Variants in IFT80 observed in about 807,000 individuals in gnomAD.
IFT80 encodes intraflagellar transport 80, also known as intraflagellar transport protein 80 homolog.
Under a neutral mutation model 107.9 loss-of-function variants are expected in IFT80, and 79 were observed. That is an observed-to-expected ratio of 0.73 (90% CI 0.61 to 0.88). IFT80 has a LOEUF of 0.88. IFT80 is among the 40% of genes least tolerant of loss of function. The pLI is 0.00. For missense variants in IFT80, 797 were observed against 914.2 expected, an observed-to-expected ratio of 0.87 and a Z score of 1.65; for synonymous variants, 299 against 300.9, an observed-to-expected ratio of 0.99 and a Z score of 0.07.
chr3:160,314,606 C>T (rs1446501340), intron 9 of IFT80, among the ~76,000 whole-genome samples: 1 of 152,072 alleles, frequency 6.6e-6, no homozygotes, highest in Non-Finnish European at 1.5e-5. Flanking sequence ...CACGGATAAA[C>T]CAAAAGCCAA....
intron 1 of IFT80, among the ~76,000 whole-genome samples, chr3:160,388,133 T>C (rs547431363): frequency 1.8e-4 from 28 of 151,946 alleles, no homozygotes; most frequent in Admixed American, 4.6e-4. Context: ...AAAATATTCA[T>C]TGAATGAGGG....
intron 10 of IFT80, among the ~76,000 whole-genome samples, chr3:160,306,499 C>A (rs559744379): frequency 3.6e-4 from 55 of 152,218 alleles, no homozygotes; most frequent in South Asian, 1.0e-3. Flanking sequence ...ATTCTATAAT[C>A]CCTTCCCCAC....
chr3:160,347,133 C>A (rs992965453), intron 8 of IFT80, among the ~76,000 whole-genome samples: 1 of 152,044 alleles, frequency 6.6e-6, no homozygotes, highest in South Asian at 2.1e-4. Context: ...CCTGCCCCAC[C>A]CCCACTGCAC....
At chr3:160,363,467 C>A (rs1298113603) in intron 6 of IFT80, among the ~76,000 whole-genome samples, 1 of 152,108 alleles carries the variant, frequency 6.6e-6, no homozygotes, top group Non-Finnish European at 1.5e-5. Context: ...TCAATGCCAT[C>A]CCCATCAAAC....
chr3:160,314,841 T>G (rs1717672636), intron 9 of IFT80, among the ~76,000 whole-genome samples: 1 of 151,982 alleles, frequency 6.6e-6, no homozygotes, highest in Non-Finnish European at 1.5e-5. Context: ...CTAAGAGAGT[T>G]CTCAGGATAT....
At chr3:160,288,611 A>G (rs538006884) in intron 12 of IFT80, among the ~76,000 whole-genome samples, 1 of 152,326 alleles carries the variant, frequency 6.6e-6, no homozygotes, top group South Asian at 2.1e-4. Flanking sequence ...TCTAATATCC[A>G]ACATCTATAA....
intron 9 of IFT80, among the ~76,000 whole-genome samples, chr3:160,313,018 A>T (rs1230758563): frequency 1.1e-5 from 1 of 87,116 alleles, no homozygotes; most frequent in Non-Finnish European, 2.1e-5. Flanking sequence ...ATATATAATA[A>T]ATATATATTA....
At chr3:160,270,680 C>T (rs1037579264) in intron 18 of IFT80, among the ~76,000 whole-genome samples, 1 of 152,056 alleles carries the variant, frequency 6.6e-6, no homozygotes, top group Non-Finnish European at 1.5e-5. Context: ...CACGGAGGCT[C>T]AAAAAAGGAG....
In IFT80 at chr3:160,264,276, CT is replaced by C. The variant is rs1210964197; in HGVS notation, c.2223+4136del. 3.5e-3 allele frequency among the ~76,000 whole-genome samples: 496 copies of C among 141,934 alleles called. 2 individuals carry two copies. The highest frequency in any genetic ancestry group is 0.01 in the African/African-American group (403 of 38,702). 93.1% of individuals were successfully genotyped at this position (141,934 alleles called of 152,430 possible). A position where few individuals can be genotyped will look rare whatever the true frequency, so the allele number is the denominator to read the frequency against. On this transcript the variant is annotated intron_variant, in intron 19 of 19. Transcript: ENST00000326448. Reference sequence around the variant, plus strand: ...AGGTACATGCCACCATGCCCAGTTACTTTTTTTTTTTGGTAGAGACAAGATT... The same window carrying C: ...AGGTACATGCCACCATGCCCAGTTACTTTTTTTTTTGGTAGAGACAAGATT...
chr3:160,384,505 CTT>C (rs1360669026), intron 2 of IFT80, 57 bp downstream of exon 2: 3 of 1,373,888 alleles, frequency 2.2e-6, no homozygotes, highest in Non-Finnish European at 3.0e-6. Flanking sequence ...AATAGAGAAA[CTT>C]TTAACAATAC....
intron 8 of IFT80, among the ~76,000 whole-genome samples, chr3:160,326,458 A>G (rs1718684112): frequency 6.6e-6 from 1 of 152,154 alleles, no homozygotes; most frequent in Admixed American, 6.6e-5. Context: ...CCAGTAGCAC[A>G]TCAAAAAGCT....
At chr3:160,272,040 G>T (rs1442435798) in intron 18 of IFT80, among the ~76,000 whole-genome samples, 1 of 151,684 alleles carries the variant, frequency 6.6e-6, no homozygotes, top group Non-Finnish European at 1.5e-5. Context: ...ACACCACAAA[G>T]ATGCAATGTT....
Position 160,363,048 on chromosome 3 carries a change from T to C in IFT80, c.549+2995A>G, listed in dbSNP as rs577419529. Reference sequence around the variant, plus strand: ...TCAGGCAAGAGAAGGAAATAAAGGGTATTCAATTAGGAAAAGAGGAAGTCA... The same window carrying C: ...TCAGGCAAGAGAAGGAAATAAAGGGCATTCAATTAGGAAAAGAGGAAGTCA... On this transcript the variant is annotated intron_variant, in intron 6 of 19. Transcript: ENST00000326448. Among the ~76,000 whole-genome samples the C allele has an allele frequency of 3.3e-5, 5 of 152,182 alleles. 1 individual carries two copies. The South Asian group carries it at 1.0e-3, about 32-fold the overall frequency.
chr3:160,289,007 C>T (rs1328620843), intron 12 of IFT80, among the ~76,000 whole-genome samples: 4 of 150,714 alleles, frequency 2.7e-5, no homozygotes, highest in African/African-American at 4.9e-5. Context: ...CACATGCATG[C>T]GAATGTTCAC....
intron 12 of IFT80, among the ~76,000 whole-genome samples, chr3:160,300,143 C>T (rs1716308470): frequency 1.3e-5 from 2 of 152,146 alleles, no homozygotes; most frequent in African/African-American, 4.8e-5. Context: ...TTCTCTCACC[C>T]TGCGCTAGTT....
Position 160,366,077 on chromosome 3 carries a change from A to T in IFT80, c.515T>A (p.Ile172Asn), listed in dbSNP as rs1215757424. Residue 172 changes from isoleucine to asparagine, a missense_variant, in exon 6 of 20, where the codon ATT becomes AAT. Coordinates refer to ENST00000326448, the MANE Select transcript of IFT80 (RefSeq NM_020800.3). ...VLYTAGKQLI[I>N]KPLQPNAKVL... ...TTTAGCATTTGGTTGAAGAGGTTTAATGATTAGCTGCTTGCCTGCTGTATA... is the reference window on the plus strand; with the variant it reads ...TTTAGCATTTGGTTGAAGAGGTTTATTGATTAGCTGCTTGCCTGCTGTATA... 53 of 1,612,854 alleles carry T rather than the reference A, an allele frequency of 3.3e-5. No homozygotes were observed. Among genetic ancestry groups the T allele is most frequent in the Non-Finnish European group, 4.0e-5 (47 of 1,179,110 alleles).
At chr3:160,260,951 G>A (rs1176503297) in intron 19 of IFT80, among the ~76,000 whole-genome samples, 1 of 152,060 alleles carries the variant, frequency 6.6e-6, no homozygotes, top group East Asian at 1.9e-4. Flanking sequence ...TTGCATTCAC[G>A]AACTTACCTG....
In IFT80 at chr3:160,258,989, T is replaced by A. The variant is rs534323235; in HGVS notation, c.2224-354A>T. Among the ~76,000 whole-genome samples the A allele has an allele frequency of 1.1e-4, 16 of 152,062 alleles. No homozygotes were observed. The South Asian group carries it at 1.2e-3, about 12-fold the overall frequency. ...TGGGTGTGGTGGCACACACCTGTAG[T>A]CCCAGCTATTAGGGAGGCTAAGGTG... is the stretch of plus-strand genomic sequence containing the variant. On this transcript the variant is annotated intron_variant, in intron 19 of 19. Coordinates refer to ENST00000326448, the MANE Select transcript of IFT80 (RefSeq NM_020800.3).
chr3:160,291,889 G>T (rs1469294952), intron 12 of IFT80, among the ~76,000 whole-genome samples: 6 of 152,204 alleles, frequency 3.9e-5, no homozygotes, highest in Non-Finnish European at 7.4e-5. Flanking sequence ...CCTGCTTGAG[G>T]TGGCCCCCTG....
Sources: gnomAD v4.1 joint callset for allele counts (sites outside exome capture counted in the v4.1 genomes callset) on GRCh38, gnomAD v4.1.1 for gene constraint, MANE v1.5 for transcripts, NCBI Gene and HGNC (gene_info 2026-07-23, HGNC 2026-07-21) for gene names.